CA10: variants seen among roughly 807,000 people sequenced by gnomAD.
CA10 encodes the protein carbonic anhydrase-related protein 10.
In CA10, 14 loss-of-function variants were observed where a neutral mutation model predicts 44.2. The ratio of observed to expected loss-of-function variants is 0.32; its 90% CI spans 0.21 to 0.50. The LOEUF (loss-of-function observed/expected upper bound fraction) is 0.50, where lower values mean the gene tolerates loss of function less well. Among genes scored for constraint, CA10 ranks in the 20% least tolerant of loss-of-function variants. The pLI is 0.99. For synonymous variants in CA10, 159 were observed against 141.6 expected, an observed-to-expected ratio of 1.12 and a Z score of -0.87; for missense variants, 350 against 409.7, an observed-to-expected ratio of 0.85 and a Z score of 1.26.
intron 2 of CA10, among the ~76,000 whole-genome samples, chr17:52,071,961 T>C (rs116934085): frequency 4.6e-5 from 7 of 152,220 alleles, no homozygotes; most frequent in Non-Finnish European, 8.8e-5. Flanking sequence ...AGTGACAGCA[T>C]GTGTTCCAGC....
At chr17:51,765,690 C>CGTGTGTGT (rs1567832322) in intron 3 of CA10, among the ~76,000 whole-genome samples, 27 of 91,004 alleles carry the variant, frequency 3.0e-4, no homozygotes, top group Non-Finnish European at 4.8e-4. Flanking sequence ...CAGGCAGCTC[C>CGTGTGTGT]CTGTGTGTGT....
intron 3 of CA10, among the ~76,000 whole-genome samples, chr17:51,797,216 G>A (rs756766349): frequency 2.6e-5 from 4 of 152,206 alleles, no homozygotes; most frequent in Non-Finnish European, 5.9e-5. Flanking sequence ...TAGGCACTGA[G>A]GGCATTAAAG....
intron 3 of CA10, among the ~76,000 whole-genome samples, chr17:51,911,192 C>T (rs768462980): frequency 6.6e-6 from 1 of 152,110 alleles, no homozygotes; most frequent in Admixed American, 6.6e-5. Flanking sequence ...CCATAGAATA[C>T]ATCTGACCTT....
chr17:52,104,200 T>C (rs1434796115), intron 1 of CA10, among the ~76,000 whole-genome samples: 4 of 150,972 alleles, frequency 2.6e-5, no homozygotes, highest in African/African-American at 9.7e-5. Flanking sequence ...TTTTTTTTTT[T>C]TTCTTCTCTG....
At chr17:51,909,849 A>T (rs1981716909) in intron 3 of CA10, among the ~76,000 whole-genome samples, 1 of 152,294 alleles carries the variant, frequency 6.6e-6, no homozygotes, top group East Asian at 1.9e-4. Flanking sequence ...TTTCTTCAAC[A>T]GCCTGCCTGC....
chr17:51,957,323 GT>G (rs1448770865), intron 2 of CA10, among the ~76,000 whole-genome samples: 11 of 151,958 alleles, frequency 7.2e-5, no homozygotes, highest in Non-Finnish European at 1.3e-4. Flanking sequence ...TTTTCCTTCT[GT>G]TTATTATGAG....
In CA10 at chr17:51,641,977, T is replaced by C. The variant is rs149157033; in HGVS notation, c.635-5968A>G. On this transcript the variant is annotated intron_variant, in intron 6 of 8. Coordinates refer to ENST00000451037, the MANE Select transcript of CA10 (RefSeq NM_020178.5). ...ATACTGGACTTGTTCCTGATCAATA[T>C]GGAACTATTTGGCAATTTTCTCATA... is the stretch of plus-strand genomic sequence containing the variant. Among the ~76,000 whole-genome samples, 307 of 152,298 alleles carry C rather than the reference T, an allele frequency of 2.0e-3. 7 individuals carry two copies. The East Asian group carries it at 0.05, about 25-fold the overall frequency.
chr17:51,980,304 T>C (rs1450693729), intron 2 of CA10, among the ~76,000 whole-genome samples: 1 of 152,188 alleles, frequency 6.6e-6, no homozygotes, highest in African/African-American at 2.4e-5. Context: ...TTTATTCACA[T>C]GATTGTTGGC....
At chr17:51,994,512 G>A (rs1224657355) in intron 2 of CA10, among the ~76,000 whole-genome samples, 1 of 151,942 alleles carries the variant, frequency 6.6e-6, no homozygotes, top group African/African-American at 2.4e-5. Context: ...AAATGAGATT[G>A]GTCTGTCTTT....
At chr17:51,683,848 C>T (rs941725582) in intron 4 of CA10, among the ~76,000 whole-genome samples, 2 of 152,074 alleles carry the variant, frequency 1.3e-5, no homozygotes, top group Non-Finnish European at 2.9e-5. Flanking sequence ...AATAGGACCA[C>T]CACTCTAGGA....
intron 2 of CA10, among the ~76,000 whole-genome samples, chr17:52,038,471 T>G (rs1222626324): frequency 6.6e-6 from 1 of 152,178 alleles, no homozygotes; most frequent in East Asian, 1.9e-4. Flanking sequence ...ACCATGTTGC[T>G]TTTTGGAATT....
At chr17:51,817,042 G>A (rs1907589607) in intron 3 of CA10, among the ~76,000 whole-genome samples, 2 of 152,224 alleles carry the variant, frequency 1.3e-5, no homozygotes, top group East Asian at 3.9e-4. Context: ...CTGACTGGCT[G>A]TAATTAACCT....
chr17:51,939,258 A>G (rs1355941948), intron 2 of CA10, among the ~76,000 whole-genome samples: 1 of 152,142 alleles, frequency 6.6e-6, no homozygotes, highest in African/African-American at 2.4e-5. Context: ...GTAAAGCTAC[A>G]GAACTTCTAC....
At chr17:51,995,696 G>T (rs540950156) in intron 2 of CA10, among the ~76,000 whole-genome samples, 1 of 152,144 alleles carries the variant, frequency 6.6e-6, no homozygotes, top group South Asian at 2.1e-4. Context: ...TTGTGCAAAG[G>T]TTCTCTGACT....
At chr17:51,857,614 C>G (rs943219365) in intron 3 of CA10, among the ~76,000 whole-genome samples, 1 of 152,152 alleles carries the variant, frequency 6.6e-6, no homozygotes, top group Non-Finnish European at 1.5e-5. Context: ...CATCAACTTA[C>G]TATCGCAACA....
At chr17:51,669,210 G>A (rs1469296635) in intron 4 of CA10, among the ~76,000 whole-genome samples, 1 of 152,242 alleles carries the variant, frequency 6.6e-6, no homozygotes, top group African/African-American at 2.4e-5. Flanking sequence ...CTCCTGAGTC[G>A]GGTGGGGACT....
At chr17:52,022,293 G>C (rs1986166449) in intron 2 of CA10, among the ~76,000 whole-genome samples, 1 of 152,036 alleles carries the variant, frequency 6.6e-6, no homozygotes, top group African/African-American at 2.4e-5. Flanking sequence ...ATGCAAGGTT[G>C]GTTCAACATC....
intron 2 of CA10, chr17:52,070,401 C>T (rs1338842321): frequency 1.3e-5 from 2 of 152,166 alleles, no homozygotes; most frequent in African/African-American, 2.4e-5. Flanking sequence ...TGAACATACA[C>T]ACATTACCTC....
intron 4 of CA10, among the ~76,000 whole-genome samples, chr17:51,707,919 G>GAGCTA (rs1192848672): frequency 1.3e-5 from 2 of 152,138 alleles, no homozygotes; most frequent in Non-Finnish European, 2.9e-5. Context: ...GTCAAAGGAT[G>GAGCTA]AGCTGCTGGC....
Sources: gnomAD v4.1 joint callset for allele counts (sites outside exome capture counted in the v4.1 genomes callset) on GRCh38, gnomAD v4.1.1 for gene constraint, MANE v1.5 for transcripts, NCBI Gene and HGNC (gene_info 2026-07-23, HGNC 2026-07-21) for gene names.